RABGAP1L: variants seen among roughly 807,000 people sequenced by gnomAD.
The protein encoded by RABGAP1L is RAB GTPase activating protein 1 like, also known as rab GTPase-activating protein 1-like.
RABGAP1L carries 63 observed loss-of-function variants against 137.7 expected under a neutral mutation model. The ratio of observed to expected loss-of-function variants is 0.46; its 90% CI spans 0.37 to 0.56. The LOEUF (loss-of-function observed/expected upper bound fraction) is 0.56. Ranked by LOEUF, RABGAP1L falls within the 20% of genes least tolerant of loss-of-function variation. RABGAP1L has a pLI of 0.00. For synonymous variants in RABGAP1L, 431 were observed against 433.7 expected (o/e 0.99, Z 0.08); for missense variants, 1,095 against 1,244.0 (o/e 0.88, Z 1.80).
chr1:174,672,281 CTTTT>C (rs1256381168), intron 14 of RABGAP1L, among the ~76,000 whole-genome samples: 5 of 118,380 alleles, frequency 4.2e-5, no homozygotes, highest in Admixed American at 8.8e-5. Context: ...TTTTTCCTTT[CTTTT>C]TTTTTTTTTT....
intron 19 of RABGAP1L, among the ~76,000 whole-genome samples, chr1:174,934,277 G>A (rs1318564447): frequency 2.0e-5 from 3 of 151,992 alleles, no homozygotes; most frequent in South Asian, 2.1e-4. Flanking sequence ...TAGTAGAGAC[G>A]GGGTTTCACC....
chr1:174,311,859 G>A (rs1172978958), intron 11 of RABGAP1L, among the ~76,000 whole-genome samples: 4 of 152,160 alleles, frequency 2.6e-5, no homozygotes, highest in Non-Finnish European at 5.9e-5. Flanking sequence ...CACCCACCTT[G>A]GCCTCTCAAA....
At chr1:174,664,753 T>TTTTTTTTTTA (rs1676651995) in intron 14 of RABGAP1L, among the ~76,000 whole-genome samples, 1 of 143,174 alleles carries the variant, frequency 7.0e-6, no homozygotes, top group Non-Finnish European at 1.5e-5. Context: ...TTTTTTTTTT[T>TTTTTTTTTTA]TTGACAGAGT....
intron 11 of RABGAP1L, among the ~76,000 whole-genome samples, chr1:174,320,920 ACC>A (rs946001622): frequency 6.6e-6 from 1 of 152,186 alleles, no homozygotes; most frequent in African/African-American, 2.4e-5. Context: ...AAGGGAGATA[ACC>A]ATTAGGTCTG....
At chr1:174,612,245 A>T in intron 13 of RABGAP1L, among the ~76,000 whole-genome samples, 1 of 152,188 alleles carries the variant, frequency 6.6e-6, no homozygotes, top group Non-Finnish European at 1.5e-5. Context: ...TACCTAATTT[A>T]TTGAGAGTTT....
At chr1:174,188,511 A>C (rs1012903316) in intron 1 of RABGAP1L, among the ~76,000 whole-genome samples, 1 of 152,256 alleles carries the variant, frequency 6.6e-6, no homozygotes, top group African/African-American at 2.4e-5. Flanking sequence ...AATTATGTCA[A>C]GTGTTGTATA....
At chr1:174,923,018 T>G (rs1334724381) in intron 19 of RABGAP1L, among the ~76,000 whole-genome samples, 1 of 151,768 alleles carries the variant, frequency 6.6e-6, no homozygotes, top group African/African-American at 2.4e-5. Flanking sequence ...TACAGAAATA[T>G]CAAACAGCCA....
At chr1:174,919,909 G>T (rs1232759928) in intron 19 of RABGAP1L, among the ~76,000 whole-genome samples, 1 of 152,116 alleles carries the variant, frequency 6.6e-6, no homozygotes, top group East Asian at 1.9e-4. Flanking sequence ...TTAAGTATTA[G>T]GTAAGTAGAG....
intron 13 of RABGAP1L, among the ~76,000 whole-genome samples, chr1:174,507,308 G>A (rs1448702902): frequency 2.0e-5 from 3 of 152,174 alleles, no homozygotes; most frequent in East Asian, 1.9e-4. Context: ...ATTAAGAAAA[G>A]GTAGCTGTTA....
rs543135901 is a variant in RABGAP1L at position 174,426,361 on chromosome 1, G to T, written c.1710+32216G>T. ...AGCCCGATAATATTTGCATATGTAA[G>T]CATTTAAACTATTAAGGCTATCAAG... On this transcript the variant is annotated intron_variant, in intron 13 of 25. Transcript: ENST00000681986. 7.1e-4 allele frequency among the ~76,000 whole-genome samples: 108 copies of T among 152,112 alleles called. 2 individuals are homozygous for T. In the South Asian group the frequency reaches 0.021, roughly 29 times the overall value.
intron 1 of RABGAP1L, among the ~76,000 whole-genome samples, chr1:174,194,494 A>T (rs915746875): frequency 1.3e-5 from 2 of 152,094 alleles, no homozygotes; most frequent in African/African-American, 2.4e-5. Flanking sequence ...TCAGCCTCCC[A>T]AAGTGCTGGG....
At chr1:174,299,346 C>T (rs371782140) in intron 10 of RABGAP1L, among the ~76,000 whole-genome samples, 1 of 152,176 alleles carries the variant, frequency 6.6e-6, no homozygotes, top group African/African-American at 2.4e-5. Context: ...TTACTGACCA[C>T]AGGTCAGGAA....
chr1:174,610,589 C>G (rs1029087447), intron 13 of RABGAP1L, among the ~76,000 whole-genome samples: 5 of 152,102 alleles, frequency 3.3e-5, no homozygotes, highest in African/African-American at 1.2e-4. Flanking sequence ...ATGGCTGGGT[C>G]AAATGGTATT....
At position 174,492,484 on chromosome 1, in the gene RABGAP1L, T is replaced by A. The variant is rs549441754; in HGVS notation, c.1710+98339T>A. ...CATCTAAGCCTCCTGAGTAGCTAGG[T>A]TTACAGGCACATGCCACCACTCTCG... On this transcript the variant is annotated intron_variant, in intron 13 of 25. Transcript: ENST00000681986. Among the ~76,000 whole-genome samples, 4 of 151,606 alleles carry A rather than the reference T, an allele frequency of 2.6e-5. No individual in the cohort carries two copies. In the South Asian group the frequency reaches 8.3e-4, roughly 32 times the overall value.
At chr1:174,739,398 A>AT (rs1487420006) in intron 17 of RABGAP1L, among the ~76,000 whole-genome samples, 1 of 152,206 alleles carries the variant, frequency 6.6e-6, no homozygotes, top group East Asian at 1.9e-4. Context: ...GAAGTTGTAG[A>AT]TTTTACATAT....
rs59323156 is a variant in RABGAP1L at position 174,225,494 on chromosome 1, CTTTT to C, written c.331+4348_331+4351del. Reference sequence around the variant, plus strand: ...GTTAAAATCCTCTGAAGAATGTTGACTTTTTTTTTTTTTTTTTTTTTAAAGCAGA... The same window carrying C: ...GTTAAAATCCTCTGAAGAATGTTGACTTTTTTTTTTTTTTTTTAAAGCAGA... On this transcript the variant is annotated intron_variant, in intron 3 of 25. Transcript: ENST00000681986. Among the ~76,000 whole-genome samples, 47 of 105,732 alleles carry C rather than the reference CTTTT, an allele frequency of 4.4e-4. 1 individual carries two copies. The highest frequency in any genetic ancestry group is 2.7e-4 in the East Asian group (1 of 3,730). 69.4% of individuals were successfully genotyped at this position (105,732 alleles called of 152,430 possible).
chr1:174,467,956 A>G (rs1365769790), intron 13 of RABGAP1L, among the ~76,000 whole-genome samples: 1 of 152,152 alleles, frequency 6.6e-6, no homozygotes, highest in East Asian at 1.9e-4. Flanking sequence ...CTCAATAGGA[A>G]AACGTTAGCA....
intron 1 of RABGAP1L, among the ~76,000 whole-genome samples, chr1:174,209,145 T>C (rs1668698052): frequency 6.6e-6 from 1 of 152,134 alleles, no homozygotes; most frequent in African/African-American, 2.4e-5. Flanking sequence ...CCACTGCTGA[T>C]TGGATGTGAG....
chr1:174,376,252 G>T (rs1685537894), intron 12 of RABGAP1L, among the ~76,000 whole-genome samples: 1 of 149,286 alleles, frequency 6.7e-6, no homozygotes, highest in Non-Finnish European at 1.5e-5. Flanking sequence ...GGAAGGAAGG[G>T]AAAGAAGGAA....
Sources: gnomAD v4.1 joint callset for allele counts (sites outside exome capture counted in the v4.1 genomes callset) on GRCh38, gnomAD v4.1.1 for gene constraint, MANE v1.5 for transcripts, NCBI Gene and HGNC (gene_info 2026-07-23, HGNC 2026-07-21) for gene names.